The following PUS7L variants were observed in gnomAD, a reference collection of about 807,000 sequenced individuals.
PUS7L encodes pseudouridine synthase 7 like.
PUS7L carries 49 observed loss-of-function variants against 51.1 expected under a neutral mutation model. The observed-to-expected ratio is 0.96, with a 90% CI of 0.76 to 1.22. The LOEUF is 1.22. Among genes scored for constraint, PUS7L ranks in the 50% most tolerant of loss-of-function variants. The pLI is 0.00. For synonymous variants in PUS7L, 277 were observed against 276.2 expected, an observed-to-expected ratio of 1.00 and a Z score of -0.03; for missense variants, 828 against 820.6, an observed-to-expected ratio of 1.01 and a Z score of -0.11.
rs199994161 is a variant in PUS7L at position 43,755,095 on chromosome 12, C to A, written c.151G>T (p.Asp51Tyr). The stretch of plus-strand genomic sequence containing the variant: ...TCACTAATCTTGAAAATAGGCTCAT[C>A]GATGGTCTTATTAACTAACTGTCCC... Reference protein sequence around the residue: ...EQGQLVNKTIDEPIFKISEIQ... With the variant: ...EQGQLVNKTIYEPIFKISEIQ... The change falls in exon 2 of 9, where the codon GAT (aspartate) becomes TAT (tyrosine). Residue 51 changes from aspartate to tyrosine, a missense_variant. Transcript: ENST00000344862. The A allele has an allele frequency of 2.5e-6, 4 of 1,613,534 alleles. No homozygotes were observed. Among genetic ancestry groups the A allele is most frequent in the Non-Finnish European group, 3.4e-6 (4 of 1,179,798 alleles).
At position 43,728,723 on chromosome 12, in the gene PUS7L, T is replaced by G. The variant is rs1944489471; in HGVS notation, c.*1653A>C. The G allele has an allele frequency of 6.6e-6, 1 of 152,288 alleles. No individual in the cohort carries two copies. Among genetic ancestry groups the G allele is most frequent in the South Asian group, 2.1e-4 (1 of 4,832 alleles). The allele number at this position is 152,288 out of a possible 1,614,324, so 9.4% of individuals were successfully genotyped here. A position where few individuals can be genotyped will look rare whatever the true frequency, so the allele number is the denominator to read the frequency against. ...AGGAAGGGATTTTCATTTATTTGCTTTTCTCTTCCAAACTTGCATCTGCAG... is the reference window on the plus strand; with the variant it reads ...AGGAAGGGATTTTCATTTATTTGCTGTTCTCTTCCAAACTTGCATCTGCAG... On this transcript the variant is annotated 3_prime_UTR_variant, in exon 9 of 9. Coordinates refer to ENST00000344862, the MANE Select transcript of PUS7L (RefSeq NM_031292.5).
At chr12:43,734,161 C>T (rs1944627666) in intron 7 of PUS7L, among the ~76,000 whole-genome samples, 1 of 152,164 alleles carries the variant, frequency 6.6e-6, no homozygotes, top group South Asian at 2.1e-4. Context: ...TGGTTCTGTA[C>T]ATATGATCCA....
chr12:43,743,741 T>C (rs986578730), intron 4 of PUS7L, among the ~76,000 whole-genome samples: 1 of 151,564 alleles, frequency 6.6e-6, no homozygotes, highest in Non-Finnish European at 1.5e-5. Context: ...CCAGCCTGGG[T>C]GACAGAGCGA....
intron 5 of PUS7L, chr12:43,738,914 T>C (rs932082715): frequency 4.8e-6 from 1 of 209,956 alleles, no homozygotes; most frequent in African/African-American, 2.4e-5. Flanking sequence ...GGCCTAAAAA[T>C]AAATATTAAA....
At chr12:43,731,954 C>T (rs959938502) in intron 7 of PUS7L, among the ~76,000 whole-genome samples, 196 bp from the exon 8 acceptor site, 3 of 152,128 alleles carry the variant, frequency 2.0e-5, no homozygotes, top group African/African-American at 7.2e-5. Flanking sequence ...CTGCTTTAAC[C>T]ACTAATCACT....
At chr12:43,740,147 GAT>G in intron 5 of PUS7L, among the ~76,000 whole-genome samples, 2 of 152,088 alleles carry the variant, frequency 1.3e-5, no homozygotes, top group Non-Finnish European at 2.9e-5. Context: ...ATGATTAAAA[GAT>G]GTTCCTTTTT....
rs1330196838 is a variant in PUS7L, at chr12:43,750,068, T to C, written c.911-1459A>G. Among the ~76,000 whole-genome samples the C allele has an allele frequency of 7.6e-4, 115 of 152,188 alleles. 1 individual carries two copies. Among genetic ancestry groups the C allele is most frequent in the Non-Finnish European group, 7.3e-5 (5 of 68,034 alleles). Reference sequence around the variant, plus strand: ...CATAAAAATTAAAAAATAAAATGTGTTCCTTCCATTTATTATTTGTCTTAC... The same window carrying C: ...CATAAAAATTAAAAAATAAAATGTGCTCCTTCCATTTATTATTTGTCTTAC... On this transcript the variant is annotated intron_variant, in intron 2 of 8. Transcript: ENST00000344862.
rs1054186002 is a variant in PUS7L, at chr12:43,723,180, T to C, written c.*7196A>G. 5.3e-5 allele frequency: 8 copies of C among 152,200 alleles called. No individual in the cohort carries two copies. Among genetic ancestry groups the C allele is most frequent in the South Asian group, 2.1e-4 (1 of 4,838 alleles). The allele number at this position is 152,200 out of a possible 1,614,324, so 9.4% of individuals were successfully genotyped here. A position where few individuals can be genotyped will look rare whatever the true frequency, so the allele number is the denominator to read the frequency against. On this transcript the variant is annotated 3_prime_UTR_variant, in exon 9 of 9. Transcript: ENST00000344862. ...TTTTTCTTTTGTAAGAGATGGCCTA[T>C]GTACACAGGCAGAGTAAATTAACTC...
chr12:43,750,832 C>T (rs1264093096), intron 2 of PUS7L, among the ~76,000 whole-genome samples: 1 of 152,096 alleles, frequency 6.6e-6, no homozygotes, highest in African/African-American at 2.4e-5. Flanking sequence ...AGGAGTTTTG[C>T]TGAGTTAGGA....
At chr12:43,737,783 G>A (rs914376868) in intron 6 of PUS7L, among the ~76,000 whole-genome samples, 3 of 151,994 alleles carry the variant, frequency 2.0e-5, no homozygotes, top group African/African-American at 7.2e-5. Flanking sequence ...TTAAAGTTGA[G>A]AGTTAACCCC....
At position 43,746,253 on chromosome 12, in the gene PUS7L, T is replaced by C. The variant is rs774583963; in HGVS notation, c.1071-15A>G. On this transcript the variant is annotated splice_polypyrimidine_tract_variant and intron_variant, in intron 3 of 8. Coordinates refer to ENST00000344862, the MANE Select transcript of PUS7L (RefSeq NM_031292.5). ...TATTTTTCAACCTGTAAGTAATAAA[T>C]CATATAAACTCAGTTAAATTTTACA... is the stretch of plus-strand genomic sequence containing the variant. 1.9e-6 allele frequency: 2 copies of C among 1,069,276 alleles called. No individual in the cohort carries two copies. The highest frequency in any genetic ancestry group is 5.4e-5 in the East Asian group (2 of 37,250). 66.2% of individuals were successfully genotyped at this position (1,069,276 alleles called of 1,614,324 possible).
At chr12:43,756,073 T>G (rs1012363687) in intron 1 of PUS7L, among the ~76,000 whole-genome samples, 6 of 152,166 alleles carry the variant, frequency 3.9e-5, no homozygotes, top group African/African-American at 1.4e-4. Context: ...ATTCTCCAAG[T>G]AACTTATCAT....
chr12:43,751,369 C>T (rs1463466807), intron 2 of PUS7L, among the ~76,000 whole-genome samples: 3 of 140,742 alleles, frequency 2.1e-5, no homozygotes, highest in African/African-American at 7.9e-5. Context: ...CACAACAGGA[C>T]CCAGTGTGTG....
intron 2 of PUS7L, among the ~76,000 whole-genome samples, chr12:43,749,279 C>T (rs939072845): frequency 6.6e-6 from 1 of 152,164 alleles, no homozygotes; most frequent in African/African-American, 2.4e-5. Flanking sequence ...TACTTTCGTA[C>T]ATTTAAGTCC....
At position 43,723,261 on chromosome 12, in the gene PUS7L, T is replaced by C. The variant is rs1280475709; in HGVS notation, c.*7115A>G. The C allele has an allele frequency of 6.6e-6, 1 of 152,098 alleles. No homozygotes were observed. Among genetic ancestry groups the C allele is most frequent in the Non-Finnish European group, 1.5e-5 (1 of 67,958 alleles). The allele number at this position is 152,098 out of a possible 1,614,324, so 9.4% of individuals were successfully genotyped here. The stretch of plus-strand genomic sequence containing the variant: ...CTTAAGAAGATTAGAGTCATTTTCT[T>C]TACTTAGAGGTATTCTTGACAACCC... On this transcript the variant is annotated 3_prime_UTR_variant, in exon 9 of 9. Coordinates refer to ENST00000344862, the MANE Select transcript of PUS7L (RefSeq NM_031292.5).
Position 43,729,671 on chromosome 12 carries a change from G to C in PUS7L, c.*705C>G, listed in dbSNP as rs1295387782. On this transcript the variant is annotated 3_prime_UTR_variant, in exon 9 of 9. Coordinates refer to ENST00000344862, the MANE Select transcript of PUS7L (RefSeq NM_031292.5). Reference sequence around the variant, plus strand: ...ATCAACAACATACTCAAAATCACTAGTAAGTGTCAGAGCTAGAATCTAAGA... The same window carrying C: ...ATCAACAACATACTCAAAATCACTACTAAGTGTCAGAGCTAGAATCTAAGA... 1 of 153,426 alleles carries C rather than the reference G, an allele frequency of 6.5e-6. No individual in the cohort carries two copies. Among genetic ancestry groups the C allele is most frequent in the African/African-American group, 2.4e-5 (1 of 41,496 alleles). The allele number at this position is 153,426 out of a possible 1,614,324, so 9.5% of individuals were successfully genotyped here.
chr12:43,744,151 T>C (rs980750074), intron 4 of PUS7L, among the ~76,000 whole-genome samples: 8 of 152,236 alleles, frequency 5.3e-5, no homozygotes, highest in African/African-American at 1.9e-4. Context: ...TTTTAAAGTA[T>C]ATCATTTTAG....
rs1944368862 is a variant in PUS7L at position 43,719,322 on chromosome 12, A to T, written c.*11054T>A. 6.6e-6 allele frequency: 1 copy of T among 152,196 alleles called. No individual in the cohort carries two copies. Among genetic ancestry groups the T allele is most frequent in the Non-Finnish European group, 1.5e-5 (1 of 68,036 alleles). The allele number at this position is 152,196 out of a possible 1,614,324, so 9.4% of individuals were successfully genotyped here. ...CAAAACTGTGTATTTTTTAGGAATG[A>T]ATACATGGGTGGTAAAGCTATCAAG... On this transcript the variant is annotated 3_prime_UTR_variant, in exon 9 of 9. Transcript: ENST00000344862.
intron 4 of PUS7L, among the ~76,000 whole-genome samples, chr12:43,744,140 T>C (rs1251148347): frequency 6.6e-6 from 1 of 152,228 alleles, no homozygotes; most frequent in African/African-American, 2.4e-5. Flanking sequence ...AACTTCTACC[T>C]TTTTAAAGTA....
Sources: gnomAD v4.1 joint callset for allele counts (sites outside exome capture counted in the v4.1 genomes callset) on GRCh38, gnomAD v4.1.1 for gene constraint, MANE v1.5 for transcripts, NCBI Gene and HGNC (gene_info 2026-07-23, HGNC 2026-07-21) for gene names.